The following SYNE1 variants were observed in gnomAD, a reference collection of about 807,000 sequenced individuals.
SYNE1 encodes the protein spectrin repeat containing nuclear envelope protein 1.
SYNE1 carries 616 observed loss-of-function variants against 1,111.0 expected under a neutral mutation model. That is an observed-to-expected ratio of 0.55 (90% CI 0.52 to 0.59). SYNE1 has a LOEUF of 0.59. SYNE1 is among the 20% of genes least tolerant of loss of function. The probability of loss-of-function intolerance (pLI) is 0.00; values close to 1 mark genes in which losing one functional copy is unlikely to be tolerated. For synonymous variants in SYNE1, 3,855 were observed against 3,825.8 expected, an observed-to-expected ratio of 1.01 and a Z score of -0.28; for missense variants, 10,006 against 10,417.0, an observed-to-expected ratio of 0.96 and a Z score of 1.72.
chr6:152,178,401 C>T (rs1444230619), intron 129 of SYNE1, among the ~76,000 whole-genome samples: 1 of 152,212 alleles, frequency 6.6e-6, no homozygotes, highest in Non-Finnish European at 1.5e-5. Context: ...AAAATGAAAT[C>T]TGTATCATCT....
chr6:152,480,338 C>T (rs554854187), intron 14 of SYNE1, among the ~76,000 whole-genome samples: 9 of 152,052 alleles, frequency 5.9e-5, no homozygotes, highest in South Asian at 2.1e-4. Context: ...CTGGCCAACA[C>T]GGCGAAACCA....
Position 152,404,198 on chromosome 6 carries a change from T to A in SYNE1, c.6825+15A>T. The A allele has an allele frequency of 6.3e-7, 1 of 1,599,384 alleles. No individual in the cohort carries two copies. The highest frequency in any genetic ancestry group is 8.6e-7 in the Non-Finnish European group (1 of 1,167,428). ...AAAATGGATGGAAGTCTAGTAGTTA[T>A]TACAAAATGCTTACCTGAAGGTCTG... On this transcript the variant is annotated intron_variant, in intron 46 of 145. Coordinates refer to ENST00000367255, the MANE Select transcript of SYNE1 (RefSeq NM_182961.4).
intron 63 of SYNE1, among the ~76,000 whole-genome samples, chr6:152,363,295 C>T (rs776531233): frequency 2.7e-5 from 4 of 148,878 alleles, no homozygotes; most frequent in Non-Finnish European, 6.0e-5. Flanking sequence ...GAGATCAAGG[C>T]CATCCTGGCT....
At chr6:152,486,423 G>T (rs955047533) in intron 12 of SYNE1, among the ~76,000 whole-genome samples, 1 of 152,170 alleles carries the variant, frequency 6.6e-6, no homozygotes, top group African/African-American at 2.4e-5. Context: ...ATTTTTATGA[G>T]ACTAGTGATC....
chr6:152,502,537 T>C, intron 10 of SYNE1, 96 bp downstream of exon 10: 1 of 913,396 alleles, frequency 1.1e-6, no homozygotes, highest in Non-Finnish European at 1.8e-6. Context: ...CATATTAAAA[T>C]GCATTCAAAT....
Position 152,474,395 on chromosome 6 carries a change from T to C in SYNE1, c.1351-1982A>G, listed in dbSNP as rs116663417. Among the ~76,000 whole-genome samples the C allele has an allele frequency of 4.2e-3, 640 of 152,126 alleles. 6 individuals carry two copies. Among genetic ancestry groups the C allele is most frequent in the African/African-American group, 0.015 (607 of 41,518 alleles). On this transcript the variant is annotated intron_variant, in intron 14 of 145. Coordinates refer to ENST00000367255, the MANE Select transcript of SYNE1 (RefSeq NM_182961.4). ...CACAGACCTGTAGGCAAAAAACAAATAGACAAATCCAGATTGTCCTGGGCA... is the reference window on the plus strand; with the variant it reads ...CACAGACCTGTAGGCAAAAAACAAACAGACAAATCCAGATTGTCCTGGGCA...
intron 135 of SYNE1, among the ~76,000 whole-genome samples, chr6:152,149,983 C>G (rs554962165): frequency 1.7e-3 from 260 of 152,270 alleles, no homozygotes; most frequent in African/African-American, 6.1e-3. Context: ...CGTAAGTTGA[C>G]AGCACTGGTT....
rs754511583 is a variant in SYNE1, at chr6:152,451,250, A to T, written c.3028-45T>A. On this transcript the variant is annotated intron_variant, in intron 25 of 145. Coordinates refer to ENST00000367255, the MANE Select transcript of SYNE1 (RefSeq NM_182961.4). ...TCAGAAAATTAGGATGAAGTTCCTG[A>T]TTATGTACATTCCCAATTGAAGTGG... 8.2e-6 allele frequency: 13 copies of T among 1,583,516 alleles called. No individual in the cohort carries two copies. The East Asian group carries it at 2.7e-4, about 33-fold the overall frequency.
In SYNE1 at chr6:152,334,282, T is replaced by C. The variant is rs886044080; in HGVS notation, c.12529-9A>G. 1 of 1,612,844 alleles carries C rather than the reference T, an allele frequency of 6.2e-7. No individual in the cohort carries two copies. The highest frequency in any genetic ancestry group is 8.5e-7 in the Non-Finnish European group (1 of 1,179,994). ...AGTTTCTTAACAAAATCCTAAAGGA[T>C]AACAGCAACAAAAAATATGTAATGT... On this transcript the variant is annotated splice_polypyrimidine_tract_variant and intron_variant, in intron 76 of 145. Coordinates refer to ENST00000367255, the MANE Select transcript of SYNE1 (RefSeq NM_182961.4).
intron 59 of SYNE1, among the ~76,000 whole-genome samples, chr6:152,369,879 A>G (rs1012032586): frequency 1.4e-5 from 2 of 147,190 alleles, no homozygotes; most frequent in African/African-American, 5.0e-5. Flanking sequence ...GCTACTCAGG[A>G]GTCTGAGGTA....
intron 3 of SYNE1, among the ~76,000 whole-genome samples, chr6:152,599,641 A>G (rs1374694524): frequency 6.6e-6 from 1 of 152,198 alleles, no homozygotes; most frequent in Non-Finnish European, 1.5e-5. Context: ...TACTGACTAT[A>G]AAACTGCTCA....
chr6:152,463,333 T>G lies in SYNE1; in HGVS notation c.2097+20A>C, dbSNP rs201761319. 8.4e-5 allele frequency: 136 copies of G among 1,613,468 alleles called. No homozygotes were observed. The highest frequency in any genetic ancestry group is 1.8e-4 in the Admixed American group (11 of 59,956). On this transcript the variant is annotated intron_variant, in intron 19 of 145. Coordinates refer to ENST00000367255, the MANE Select transcript of SYNE1 (RefSeq NM_182961.4). Reference sequence around the variant, plus strand: ...TGTAACACATACACGTTGAGGTGTATATAGACTTGAAAGACATACTTGCTT... The same window carrying G: ...TGTAACACATACACGTTGAGGTGTAGATAGACTTGAAAGACATACTTGCTT...
At chr6:152,243,172 T>C (rs1178415509) in intron 106 of SYNE1, among the ~76,000 whole-genome samples, 8 of 152,184 alleles carry the variant, frequency 5.3e-5, no homozygotes, top group Non-Finnish European at 1.0e-4. Context: ...CTGAGGGACA[T>C]GTCATAGAAA....
intron 53 of SYNE1, among the ~76,000 whole-genome samples, chr6:152,387,917 G>A (rs985531995): frequency 2.6e-5 from 4 of 152,150 alleles, no homozygotes; most frequent in Admixed American, 2.6e-4. Flanking sequence ...TGTCGAATGT[G>A]TGAATGAATG....
intron 137 of SYNE1, chr6:152,145,678 A>G: frequency 1.2e-6 from 1 of 837,830 alleles, no homozygotes; most frequent in Non-Finnish European, 2.0e-6. Flanking sequence ...ATAGCTCCTG[A>G]GCGCACAGAG....
At chr6:152,572,141 G>C (rs1172202620) in intron 3 of SYNE1, among the ~76,000 whole-genome samples, 1 of 152,152 alleles carries the variant, frequency 6.6e-6, no homozygotes, top group Admixed American at 6.5e-5. Context: ...TGACACTTCT[G>C]AGGTGTCTGA....
At chr6:152,485,354 T>C (rs1487667290) in intron 12 of SYNE1, among the ~76,000 whole-genome samples, 2 of 152,146 alleles carry the variant, frequency 1.3e-5, no homozygotes, top group East Asian at 3.9e-4. Flanking sequence ...TAAACAGGAG[T>C]ATAAATCTTA....
rs536779838 is a variant in SYNE1 at position 152,249,478 on chromosome 6, A to G, written c.19471-216T>C. 2.0e-5 allele frequency among the ~76,000 whole-genome samples: 3 copies of G among 152,350 alleles called. No individual in the cohort carries two copies. The East Asian group carries it at 5.8e-4, about 29-fold the overall frequency. ...GAATCTGTTACCCAAAGTATTTTCT[A>G]CATAACACAAATGAAGTTGAACCAT... On this transcript the variant is annotated intron_variant, in intron 104 of 145. Coordinates refer to ENST00000367255, the MANE Select transcript of SYNE1 (RefSeq NM_182961.4).
chr6:152,471,934 GC>G, intron 15 of SYNE1, 169 bp from the exon 16 acceptor site: 1 of 698,156 alleles, frequency 1.4e-6, no homozygotes, highest in Non-Finnish European at 2.4e-6. Flanking sequence ...GGATTTAAAA[GC>G]AAAGCATGAA....
Sources: gnomAD v4.1 joint callset for allele counts (sites outside exome capture counted in the v4.1 genomes callset) on GRCh38, gnomAD v4.1.1 for gene constraint, MANE v1.5 for transcripts, NCBI Gene and HGNC (gene_info 2026-07-23, HGNC 2026-07-21) for gene names.